The following DAOA variants were observed in gnomAD, a reference collection of about 807,000 sequenced individuals.
The protein encoded by DAOA is D-amino acid oxidase activator.
DAOA carries 15 observed loss-of-function variants against 16.4 expected under a neutral mutation model. The observed-to-expected ratio is 0.91, with a 90% CI of 0.61 to 1.41. DAOA has a LOEUF of 1.41. Among genes scored for constraint, DAOA ranks in the 40% most tolerant of loss-of-function variants. The pLI, the probability that DAOA is intolerant of heterozygous loss-of-function variation, is 0.00. For synonymous variants in DAOA, 75 were observed against 59.1 expected (o/e 1.27, Z -1.23); for missense variants, 230 against 176.8 (o/e 1.30, Z -1.71).
intron 3 of DAOA, 97 bp downstream of exon 3, chr13:105,467,238 G>C (rs376602317): frequency 7.8e-7 from 1 of 1,280,176 alleles, no homozygotes. Context: ...ATTTTCAAGC[G>C]TAGACAAACT....
At position 105,490,111 on chromosome 13, in the gene DAOA, C is replaced by A. The variant is rs1046428463; in HGVS notation, c.*30C>A. ...GGAAGCAGATTCTTCCCAGCCAATCCTTCTGATGACAATGTAGTCTGGCCA... is the reference window on the plus strand; with the variant it reads ...GGAAGCAGATTCTTCCCAGCCAATCATTCTGATGACAATGTAGTCTGGCCA... On this transcript the variant is annotated 3_prime_UTR_variant, in exon 5 of 6. Transcript: ENST00000375936. The A allele has an allele frequency of 7.8e-6, 12 of 1,535,348 alleles. No homozygotes were observed. The African/African-American group carries it at 1.4e-4, about 18-fold the overall frequency.
At chr13:105,466,489 C>T in intron 2 of DAOA, 157 bp downstream of exon 2, 1 of 1,210,678 alleles carries the variant, frequency 8.3e-7, no homozygotes, top group East Asian at 2.6e-5. Flanking sequence ...GCCTTACTTT[C>T]TCCCATATTC....
intron 3 of DAOA, among the ~76,000 whole-genome samples, chr13:105,471,035 G>A (rs139500661): frequency 3.9e-5 from 6 of 151,958 alleles, no homozygotes; most frequent in South Asian, 2.1e-4. Context: ...TGATCCGCCC[G>A]CCTCGGCCTC....
At chr13:105,490,347 A>G (rs754040794) in intron 5 of DAOA, 155 bp downstream of exon 5, 1 of 227,444 alleles carries the variant, frequency 4.4e-6, no homozygotes, top group Non-Finnish European at 7.5e-6. Flanking sequence ...TTTCATCACT[A>G]AATTATTATT....
chr13:105,472,666 CTT>C lies in DAOA; in HGVS notation c.263_264del (p.Leu88ProfsTer8). ...ATCATTATGTCCTTGGGTCTCTTAC[CTT>C]CCTCAGCCCTATGCAGAGTATGTAT... ...QRSLCPWVSY[L>X]PQPYAELEEV... On this transcript the variant is annotated frameshift_variant, in exon 4 of 6. Transcript: ENST00000375936. LOFTEE classifies it high-confidence loss of function. 1 of 1,613,846 alleles carries C rather than the reference CTT, an allele frequency of 6.2e-7. No individual in the cohort carries two copies. Among genetic ancestry groups the C allele is most frequent in the African/African-American group, 1.3e-5 (1 of 75,036 alleles).
At chr13:105,478,315 C>T (rs537006181) in intron 4 of DAOA, among the ~76,000 whole-genome samples, 1 of 152,172 alleles carries the variant, frequency 6.6e-6, no homozygotes, top group Admixed American at 6.5e-5. Flanking sequence ...GTGTGGTTTA[C>T]TGGTCTGTAC....
chr13:105,466,688 A>C (rs1876538341), intron 2 of DAOA, among the ~76,000 whole-genome samples: 1 of 152,098 alleles, frequency 6.6e-6, no homozygotes, highest in Non-Finnish European at 1.5e-5. Flanking sequence ...TGCTCACAGG[A>C]ATTTGTTTAG....
chr13:105,482,013 C>T (rs903472369), intron 4 of DAOA, among the ~76,000 whole-genome samples: 15 of 152,140 alleles, frequency 9.9e-5, no homozygotes, highest in African/African-American at 3.6e-4. Flanking sequence ...AGCAAAGGGA[C>T]TTATATGGCA....
At chr13:105,485,295 G>C (rs1346143703) in intron 4 of DAOA, among the ~76,000 whole-genome samples, 2 of 151,964 alleles carry the variant, frequency 1.3e-5, no homozygotes, top group African/African-American at 4.8e-5. Flanking sequence ...ATCAAACTTG[G>C]CATGTCAAAA....
chr13:105,467,002 T>C, intron 2 of DAOA, 51 bp from the exon 3 acceptor site: 9 of 1,577,726 alleles, frequency 5.7e-6, no homozygotes, highest in Non-Finnish European at 7.7e-6. Context: ...TTCTCTCTTC[T>C]GCAGGGTATA....
chr13:105,473,059 A>G (rs933018603), intron 4 of DAOA, among the ~76,000 whole-genome samples: 4 of 152,074 alleles, frequency 2.6e-5, no homozygotes, highest in Non-Finnish European at 4.4e-5. Flanking sequence ...TTAGAACCTC[A>G]AGGCTATTGA....
chr13:105,467,216 T>A (rs978598813), intron 3 of DAOA, 75 bp downstream of exon 3: 22 of 1,406,520 alleles, frequency 1.6e-5, no homozygotes, highest in African/African-American at 1.3e-4. Flanking sequence ...AGCTACATAA[T>A]ACTTTTGACA....
At chr13:105,468,333 C>T (rs1876683441) in intron 3 of DAOA, among the ~76,000 whole-genome samples, 2 of 152,168 alleles carry the variant, frequency 1.3e-5, no homozygotes, top group Non-Finnish European at 2.9e-5. Flanking sequence ...TACCACAGCC[C>T]TTGATAGCAT....
In DAOA at chr13:105,472,683, A is replaced by G; in HGVS notation, c.279A>G (p.Ala93=). 1 of 1,608,866 alleles carries G rather than the reference A, an allele frequency of 6.2e-7. No individual in the cohort carries two copies. Among genetic ancestry groups the G allele is most frequent in the Non-Finnish European group, 8.5e-7 (1 of 1,177,736 alleles). Residue 93 remains alanine, a splice_region_variant and synonymous_variant, in exon 4 of 6, where the codon GCA becomes GCG. Transcript: ENST00000375936. ...TCTCTTACCTTCCTCAGCCCTATGC[A>G]GAGTATGTATCTTCTTCATTTTAAA... ...PWVSYLPQPY[A]ELEEVSSHVG...
intron 3 of DAOA, among the ~76,000 whole-genome samples, chr13:105,468,875 A>T (rs1224431887): frequency 6.6e-6 from 1 of 152,230 alleles, no homozygotes; most frequent in Non-Finnish European, 1.5e-5. Context: ...GAGAAGCCAG[A>T]CATGAAAAGA....
chr13:105,487,212 C>A (rs1164675194), intron 4 of DAOA, among the ~76,000 whole-genome samples: 1 of 152,178 alleles, frequency 6.6e-6, no homozygotes, highest in Non-Finnish European at 1.5e-5. Context: ...TTATTTTGCA[C>A]ACGAACCAAA....
At chr13:105,477,123 T>C (rs1214128217) in intron 4 of DAOA, 1 of 152,182 alleles carries the variant, frequency 6.6e-6, no homozygotes, top group Non-Finnish European at 1.5e-5. Flanking sequence ...AGGCTCATTT[T>C]GTATAAAGCA....
intron 4 of DAOA, among the ~76,000 whole-genome samples, chr13:105,477,488 A>C (rs1594111146): frequency 6.6e-6 from 1 of 152,208 alleles, no homozygotes; most frequent in African/African-American, 2.4e-5. Context: ...CATACTTTGG[A>C]AGGCCAAAGT....
At chr13:105,483,401 A>G (rs965727032) in intron 4 of DAOA, among the ~76,000 whole-genome samples, 1 of 152,204 alleles carries the variant, frequency 6.6e-6, no homozygotes, top group African/African-American at 2.4e-5. Context: ...AGTTGGATAG[A>G]TCACCCTTTA....
Sources: gnomAD v4.1 joint callset for allele counts (sites outside exome capture counted in the v4.1 genomes callset) on GRCh38, gnomAD v4.1.1 for gene constraint, MANE v1.5 for transcripts, NCBI Gene and HGNC (gene_info 2026-07-23, HGNC 2026-07-21) for gene names.